MTMR3: variants seen among roughly 807,000 people sequenced by gnomAD.
The protein encoded by MTMR3 is phosphatidylinositol-3,5-bisphosphate 3-phosphatase MTMR3.
A neutral mutation model predicts 132.4 loss-of-function variants in MTMR3; 32 were observed. That is an observed-to-expected ratio of 0.24 (90% confidence interval 0.18 to 0.32). MTMR3 has a LOEUF of 0.32. MTMR3 is among the 10% of genes least tolerant of loss of function. The pLI is 1.00. For synonymous variants in MTMR3, 556 were observed against 550.3 expected (o/e 1.01, Z -0.14); for missense variants, 1,216 against 1,489.6 (o/e 0.82, Z 3.02).
At chr22:29,974,757 A>G (rs987900257) in intron 3 of MTMR3, among the ~76,000 whole-genome samples, 3 of 152,138 alleles carry the variant, frequency 2.0e-5, no homozygotes, top group African/African-American at 7.2e-5. Context: ...AATAATGGGT[A>G]CCTCTGTAAA....
At chr22:29,954,229 G>C (rs1341950837) in intron 1 of MTMR3, among the ~76,000 whole-genome samples, 2 of 151,566 alleles carry the variant, frequency 1.3e-5, no homozygotes, top group Non-Finnish European at 2.9e-5. Flanking sequence ...CTACAAATGT[G>C]TGCCACCATG....
Position 30,002,876 on chromosome 22 carries a change from T to G in MTMR3, c.558-4T>G. ...ACTCTCCCCACTTCTCATCTTCTCT[T>G]TAGATTATGTGGTAGCTATCCTCAA... is the stretch of plus-strand genomic sequence containing the variant. On this transcript the variant is annotated splice_polypyrimidine_tract_variant and splice_region_variant and intron_variant, in intron 8 of 19. Transcript: ENST00000401950. 6.2e-7 allele frequency: 1 copy of G among 1,608,082 alleles called. No individual in the cohort carries two copies. Among genetic ancestry groups the G allele is most frequent in the Non-Finnish European group, 8.5e-7 (1 of 1,174,670 alleles).
Position 30,027,060 on chromosome 22 carries a change from G to A in MTMR3, c.*1259G>A, listed in dbSNP as rs1459581972. 6.5e-6 allele frequency: 1 copy of A among 152,776 alleles called. No homozygotes were observed. Among genetic ancestry groups the A allele is most frequent in the Non-Finnish European group, 1.5e-5 (1 of 68,106 alleles). 9.5% of individuals were successfully genotyped at this position (152,776 alleles called of 1,614,324 possible). On this transcript the variant is annotated 3_prime_UTR_variant, in exon 20 of 20. Coordinates refer to ENST00000401950, the MANE Select transcript of MTMR3 (RefSeq NM_021090.4). The stretch of plus-strand genomic sequence containing the variant: ...ACCTTTCCTCAGTGAGCTTTGATAT[G>A]GTCCAAAAACAGCCTTAAATCAAGA...
chr22:29,913,504 G>C (rs936641839), intron 1 of MTMR3, among the ~76,000 whole-genome samples: 1 of 152,120 alleles, frequency 6.6e-6, no homozygotes, highest in Non-Finnish European at 1.5e-5. Flanking sequence ...ATCAGCCTTA[G>C]AGAGGTATAA....
At chr22:29,916,043 G>A (rs1358738193) in intron 1 of MTMR3, among the ~76,000 whole-genome samples, 1 of 151,892 alleles carries the variant, frequency 6.6e-6, no homozygotes, top group Non-Finnish European at 1.5e-5. Context: ...CCTATCTTCT[G>A]TTCTTTTTGC....
intron 1 of MTMR3, among the ~76,000 whole-genome samples, chr22:29,931,013 GAA>G (rs963131752): frequency 2.4e-4 from 17 of 71,724 alleles, no homozygotes; most frequent in South Asian, 9.1e-4. Flanking sequence ...TGTCTCAAAA[GAA>G]AAAAAAAAAA....
chr22:30,009,514 G>C (rs911891770), intron 12 of MTMR3: 3 of 171,340 alleles, frequency 1.8e-5, no homozygotes, highest in African/African-American at 7.2e-5. Flanking sequence ...AACCTGTTTT[G>C]AACTGGGATG....
intron 1 of MTMR3, among the ~76,000 whole-genome samples, chr22:29,949,385 A>G (rs144535590): frequency 0.011 from 1,613 of 151,156 alleles, 32 homozygotes; most frequent in African/African-American, 0.038. Context: ...AGTCCCAGCT[A>G]TTCAGGAGGC....
intron 2 of MTMR3, among the ~76,000 whole-genome samples, chr22:29,964,446 G>A (rs2066374555): frequency 6.6e-6 from 1 of 152,206 alleles, no homozygotes; most frequent in South Asian, 2.1e-4. Context: ...ACAGTTTCCT[G>A]TGATCTTGGC....
intron 1 of MTMR3, among the ~76,000 whole-genome samples, chr22:29,913,434 G>C (rs2065250883): frequency 6.6e-6 from 1 of 152,126 alleles, no homozygotes; most frequent in Non-Finnish European, 1.5e-5. Flanking sequence ...GGAAAATACT[G>C]GTCTTAACCA....
chr22:29,891,420 A>ATG (rs1568992004), intron 1 of MTMR3, among the ~76,000 whole-genome samples: 2 of 149,814 alleles, frequency 1.3e-5, no homozygotes, highest in Non-Finnish European at 1.5e-5. Context: ...ACATATATAT[A>ATG]TGTGTATGTA....
At chr22:29,962,111 G>C (rs2066323838) in intron 2 of MTMR3, among the ~76,000 whole-genome samples, 1 of 152,200 alleles carries the variant, frequency 6.6e-6, no homozygotes, top group Admixed American at 6.5e-5. Context: ...GACTGTATGT[G>C]CATAGAGAAC....
intron 8 of MTMR3, chr22:29,999,515 TTTGACTGTGAC>T (rs1286149774): frequency 1.3e-5 from 2 of 152,234 alleles, no homozygotes; most frequent in Non-Finnish European, 2.9e-5. Flanking sequence ...TACGAAAAGT[TTTGACTGTGAC>T]TTGACTGTGA....
intron 18 of MTMR3, 115 bp downstream of exon 18, chr22:30,022,254 C>A: frequency 1.3e-6 from 1 of 786,880 alleles, no homozygotes; most frequent in Non-Finnish European, 2.1e-6. Flanking sequence ...GCACAGCTAG[C>A]CCTGAGCCTC....
intron 1 of MTMR3, among the ~76,000 whole-genome samples, chr22:29,914,491 A>T (rs1410470265): frequency 1.3e-5 from 2 of 152,208 alleles, no homozygotes; most frequent in Non-Finnish European, 2.9e-5. Flanking sequence ...TGAGTCCTTC[A>T]TAACAGGTTT....
At chr22:29,951,406 A>G (rs1359183431) in intron 1 of MTMR3, among the ~76,000 whole-genome samples, 1 of 152,186 alleles carries the variant, frequency 6.6e-6, no homozygotes, top group Non-Finnish European at 1.5e-5. Flanking sequence ...GAAGGGTAAC[A>G]ATGAAATTTG....
intron 2 of MTMR3, among the ~76,000 whole-genome samples, chr22:29,960,735 T>G (rs1007876438): frequency 1.3e-5 from 2 of 152,220 alleles, no homozygotes; most frequent in Non-Finnish European, 2.9e-5. Context: ...GTAGTATGAT[T>G]TGCTCTCAAG....
intron 1 of MTMR3, among the ~76,000 whole-genome samples, chr22:29,922,463 A>G (rs1192432651): frequency 6.6e-6 from 1 of 152,088 alleles, no homozygotes; most frequent in Non-Finnish European, 1.5e-5. Context: ...TTGGTGTACA[A>G]ATATCTGTTT....
At chr22:30,003,072 A>G in intron 9 of MTMR3, 79 bp downstream of exon 9, 1 of 1,154,198 alleles carries the variant, frequency 8.7e-7, no homozygotes, top group South Asian at 1.3e-5. Context: ...TGCTGCTGCT[A>G]ACCTGGGAAG....
Sources: gnomAD v4.1 joint callset for allele counts (sites outside exome capture counted in the v4.1 genomes callset) on GRCh38, gnomAD v4.1.1 for gene constraint, MANE v1.5 for transcripts, NCBI Gene and HGNC (gene_info 2026-07-23, HGNC 2026-07-21) for gene names.